IMMP2L: variants seen among roughly 807,000 people sequenced by gnomAD.
The protein encoded by IMMP2L is inner mitochondrial membrane peptidase subunit 2, also known as mitochondrial inner membrane protease subunit 2.
A neutral mutation model predicts 19.3 loss-of-function variants in IMMP2L; 18 were observed. The observed-to-expected ratio is 0.93, with a 90% CI of 0.64 to 1.38. The LOEUF is 1.38. Among genes scored for constraint, IMMP2L ranks in the 40% most tolerant of loss-of-function variants. The pLI, the probability that IMMP2L is intolerant of heterozygous loss-of-function variation, is 0.00. For synonymous variants in IMMP2L, 76 were observed against 73.0 expected (o/e 1.04, Z -0.21); for missense variants, 233 against 218.2 (o/e 1.07, Z -0.43).
chr7:110,738,669 T>A (rs1054464872), intron 5 of IMMP2L, among the ~76,000 whole-genome samples: 3 of 152,194 alleles, frequency 2.0e-5, no homozygotes, highest in Non-Finnish European at 2.9e-5. Context: ...CGAAGAAAAC[T>A]TCCCCAGCCT....
At chr7:111,060,031 T>C (rs1281011296) in intron 3 of IMMP2L, among the ~76,000 whole-genome samples, 1 of 152,174 alleles carries the variant, frequency 6.6e-6, no homozygotes, top group Non-Finnish European at 1.5e-5. Context: ...GTTGCCAGCA[T>C]TTCTTTCAGT....
chr7:111,214,581 G>A (rs1214548504), intron 3 of IMMP2L, among the ~76,000 whole-genome samples: 2 of 141,794 alleles, frequency 1.4e-5, no homozygotes, highest in Non-Finnish European at 3.0e-5. Context: ...TCAAACTTCT[G>A]ACCTCAGGTG....
At chr7:110,829,341 GCTTAA>G (rs2131375135) in intron 5 of IMMP2L, among the ~76,000 whole-genome samples, 2 of 152,248 alleles carry the variant, frequency 1.3e-5, no homozygotes, top group East Asian at 3.9e-4. Flanking sequence ...GGATATAACA[GCTTAA>G]CAGCTTCAAA....
chr7:111,153,097 T>C (rs1467577021), intron 3 of IMMP2L, among the ~76,000 whole-genome samples: 2 of 152,126 alleles, frequency 1.3e-5, no homozygotes, highest in Admixed American at 1.3e-4. Flanking sequence ...AGGAAGCATA[T>C]ATCTCTAAAA....
chr7:111,354,664 AAATAAG>A (rs1828518682), intron 3 of IMMP2L, among the ~76,000 whole-genome samples: 1 of 151,838 alleles, frequency 6.6e-6, no homozygotes, highest in Admixed American at 6.6e-5. Context: ...TTAAAAATAT[AAATAAG>A]AATATTTTGA....
intron 5 of IMMP2L, among the ~76,000 whole-genome samples, chr7:110,873,633 G>C (rs1808766112): frequency 6.6e-6 from 1 of 151,132 alleles, no homozygotes; most frequent in South Asian, 2.1e-4. Context: ...AATTAGCCAG[G>C]CATGGTGGCA....
intron 2 of IMMP2L, among the ~76,000 whole-genome samples, chr7:111,497,726 A>G (rs1256564170): frequency 1.3e-5 from 2 of 152,014 alleles, no homozygotes; most frequent in African/African-American, 4.8e-5. Context: ...AATCTATGCA[A>G]TCTTCAGTAA....
chr7:111,167,424 T>A (rs1350922275), intron 3 of IMMP2L, among the ~76,000 whole-genome samples: 1 of 151,994 alleles, frequency 6.6e-6, no homozygotes, highest in African/African-American at 2.4e-5. Flanking sequence ...ACATCCCATT[T>A]TGCACAAAAC....
intron 2 of IMMP2L, among the ~76,000 whole-genome samples, chr7:111,500,910 G>A (rs1228430311): frequency 6.6e-6 from 1 of 152,170 alleles, no homozygotes; most frequent in African/African-American, 2.4e-5. Context: ...CTAAAAAGCA[G>A]AGTGCCTCTC....
At chr7:111,556,018 G>GTGTGTATATATATATATATATATATATA (rs777862357) in intron 1 of IMMP2L, among the ~76,000 whole-genome samples, 1,136 of 91,172 alleles carry the variant, frequency 0.012, 102 homozygotes, top group Middle Eastern at 0.026. Context: ...CTGTGTGCAT[G>GTGTGTATATATATATATATATATATATA]TATATATATA....
chr7:111,508,446 C>T (rs1845140040), intron 2 of IMMP2L, among the ~76,000 whole-genome samples: 1 of 152,006 alleles, frequency 6.6e-6, no homozygotes. Flanking sequence ...CAGGTAGGTC[C>T]GAGTTCTTGT....
chr7:110,869,001 A>T (rs926180013), intron 5 of IMMP2L, among the ~76,000 whole-genome samples: 2 of 152,026 alleles, frequency 1.3e-5, no homozygotes, highest in Non-Finnish European at 2.9e-5. Flanking sequence ...AGTTTTTCTA[A>T]CACAAGAATA....
At chr7:110,929,407 T>A (rs556639328) in intron 4 of IMMP2L, among the ~76,000 whole-genome samples, 6 of 152,272 alleles carry the variant, frequency 3.9e-5, no homozygotes, top group Non-Finnish European at 7.4e-5. Context: ...CAATAGAAAC[T>A]CATTATCCTT....
At chr7:110,867,989 A>G (rs1387645012) in intron 5 of IMMP2L, among the ~76,000 whole-genome samples, 2 of 151,988 alleles carry the variant, frequency 1.3e-5, no homozygotes, top group Non-Finnish European at 2.9e-5. Flanking sequence ...GATAAAAGTA[A>G]TCAACATAGG....
intron 3 of IMMP2L, among the ~76,000 whole-genome samples, chr7:111,127,855 C>T (rs1474261212): frequency 2.0e-5 from 3 of 151,984 alleles, no homozygotes; most frequent in East Asian, 1.9e-4. Flanking sequence ...ATAATTGATA[C>T]TACAAAATAA....
chr7:111,279,715 C>A (rs146316790), intron 3 of IMMP2L, among the ~76,000 whole-genome samples: 1 of 152,162 alleles, frequency 6.6e-6, no homozygotes, highest in African/African-American at 2.4e-5. Flanking sequence ...TATATTATAA[C>A]CTCTTTTGCT....
At chr7:111,377,567 G>A (rs1308854510) in intron 3 of IMMP2L, among the ~76,000 whole-genome samples, 1 of 152,038 alleles carries the variant, frequency 6.6e-6, no homozygotes, top group Non-Finnish European at 1.5e-5. Flanking sequence ...TCCTGCCACA[G>A]AAACTGCACA....
chr7:111,502,397 A>T (rs1844378219), intron 2 of IMMP2L, among the ~76,000 whole-genome samples: 2 of 152,194 alleles, frequency 1.3e-5, no homozygotes, highest in Admixed American at 1.3e-4. Context: ...CGCTGTCAAC[A>T]TTAGACAGAT....
chr7:111,422,499 C>T (rs1835666265), intron 3 of IMMP2L, among the ~76,000 whole-genome samples: 1 of 151,788 alleles, frequency 6.6e-6, no homozygotes, highest in African/African-American at 2.4e-5. Flanking sequence ...AATGGGAGAT[C>T]ATTCATGATT....
Sources: gnomAD v4.1 joint callset for allele counts (sites outside exome capture counted in the v4.1 genomes callset) on GRCh38, gnomAD v4.1.1 for gene constraint, MANE v1.5 for transcripts, NCBI Gene and HGNC (gene_info 2026-07-23, HGNC 2026-07-21) for gene names.